OPHN1: variants seen among roughly 807,000 people sequenced by gnomAD.
OPHN1 encodes the protein oligophrenin 1.
Under a neutral mutation model 60.7 loss-of-function variants are expected in OPHN1, and 11 were observed. The observed-to-expected ratio is 0.18, with a 90% CI of 0.11 to 0.30. OPHN1 has a LOEUF of 0.30. Among genes scored for constraint, OPHN1 ranks in the 10% least tolerant of loss-of-function variants. The pLI, the probability that OPHN1 is intolerant of heterozygous loss-of-function variation, is 1.00. For missense variants in OPHN1, 449 were observed against 611.0 expected, an observed-to-expected ratio of 0.73 and a Z score of 2.80; for synonymous variants, 226 against 222.6, an observed-to-expected ratio of 1.02 and a Z score of -0.14.
chrX:68,057,260 A>C (rs1394972924), intron 21 of OPHN1, among the ~76,000 whole-genome samples: 1 of 111,847 alleles, frequency 8.9e-6, no homozygotes. Flanking sequence ...TTTATTGATT[A>C]GGATGGATCC....
intron 18 of OPHN1, among the ~76,000 whole-genome samples, chrX:68,102,939 C>T (rs928235665): frequency 9.0e-6 from 1 of 111,689 alleles, no homozygotes; most frequent in Non-Finnish European, 1.9e-5. Context: ...CCAAGTTCTA[C>T]CAGAGGTACA....
At chrX:68,420,716 A>G (rs1315303283) in intron 2 of OPHN1, among the ~76,000 whole-genome samples, 4 of 110,858 alleles carry the variant, frequency 3.6e-5, no homozygotes, top group Non-Finnish European at 7.5e-5. Flanking sequence ...ACCTTCCCCT[A>G]CTTCATTCCT....
At position 68,105,470 on chromosome X, in the gene OPHN1, C is replaced by T. The variant is rs200727464; in HGVS notation, c.1526+6384G>A. On this transcript the variant is annotated intron_variant, in intron 18 of 24. Coordinates refer to ENST00000355520, the MANE Select transcript of OPHN1 (RefSeq NM_002547.3). ...GGCACATATACACCATGGAATACTA[C>T]GCAGCCATAAAAAAGGATGAGATCA... 1.5e-4 allele frequency among the ~76,000 whole-genome samples: 17 copies of T among 110,512 alleles called. No homozygotes were observed. The East Asian group carries it at 3.4e-3, about 22-fold the overall frequency.
rs35324033 is a variant in OPHN1 at position 68,327,797 on chromosome X, T to TA, written c.155-28702dup. Among the ~76,000 whole-genome samples, 352 of 67,371 alleles carry TA rather than the reference T, an allele frequency of 5.2e-3. 4 individuals are homozygous for TA. The highest frequency in any genetic ancestry group is 7.6e-3 in the Non-Finnish European group (274 of 36,262). 58.5% of individuals were successfully genotyped at this position (67,371 alleles called of 115,157 possible). On this transcript the variant is annotated intron_variant, in intron 2 of 24. Coordinates refer to ENST00000355520, the MANE Select transcript of OPHN1 (RefSeq NM_002547.3). Reference sequence around the variant, plus strand: ...CAATAAAAATAAAAAATAAAAAAAATAAAAAAAAAAAAAAAAAAAATTTTA... The same window carrying TA: ...CAATAAAAATAAAAAATAAAAAAAATAAAAAAAAAAAAAAAAAAAAATTTTA...
intron 5 of OPHN1, among the ~76,000 whole-genome samples, chrX:68,240,209 C>G (rs1020638173): frequency 8.9e-6 from 1 of 112,289 alleles, no homozygotes; most frequent in Non-Finnish European, 1.9e-5. Flanking sequence ...GTAAGATGAA[C>G]ATATTTAAAG....
chrX:68,129,475 GA>G (rs1335863685), intron 15 of OPHN1, among the ~76,000 whole-genome samples: 1 of 111,968 alleles, frequency 8.9e-6, no homozygotes. Context: ...ATTCTAGGAT[GA>G]AAGTGGTTTG....
chrX:68,156,523 T>A (rs2074181872), intron 15 of OPHN1, among the ~76,000 whole-genome samples: 1 of 110,871 alleles, frequency 9.0e-6, no homozygotes, highest in Non-Finnish European at 1.9e-5. Context: ...GCCCAAACCC[T>A]TCAGCAGTGA....
intron 4 of OPHN1, among the ~76,000 whole-genome samples, chrX:68,277,837 A>C (rs2077999869): frequency 8.9e-6 from 1 of 112,127 alleles, no homozygotes; most frequent in Non-Finnish European, 1.9e-5. Flanking sequence ...AGAAGTGGCC[A>C]ACTGTGAAAC....
intron 10 of OPHN1, among the ~76,000 whole-genome samples, chrX:68,205,449 AAAT>A (rs758442874): frequency 2.7e-5 from 3 of 109,110 alleles, no homozygotes; most frequent in East Asian, 2.8e-4. Context: ...GCTCCATCGC[AAAT>A]AATAATAATA....
At chrX:68,412,087 G>C (rs2078772196) in intron 2 of OPHN1, among the ~76,000 whole-genome samples, 1 of 111,210 alleles carries the variant, frequency 9.0e-6, no homozygotes, top group Non-Finnish European at 1.9e-5. Context: ...AGAGAGAATA[G>C]ATGGTGAATG....
chrX:68,052,633 T>C (rs1803557929), intron 22 of OPHN1, 43 bp from the exon 23 acceptor site: 2 of 1,129,416 alleles, frequency 1.8e-6, no homozygotes, highest in South Asian at 1.9e-5. Flanking sequence ...TGCTTTGGTA[T>C]ACACGTGAGA....
intron 18 of OPHN1, among the ~76,000 whole-genome samples, chrX:68,099,348 T>A (rs147882689): frequency 0.019 from 2,134 of 111,509 alleles, 24 homozygotes; most frequent in Non-Finnish European, 0.029. Context: ...GTGAGAAGCC[T>A]CCAGTACAGA....
intron 19 of OPHN1, among the ~76,000 whole-genome samples, chrX:68,089,545 A>G (rs1363283894): frequency 8.9e-6 from 1 of 111,951 alleles, no homozygotes; most frequent in Non-Finnish European, 1.9e-5. Flanking sequence ...TGTCTGACAC[A>G]TAGCAAGCTG....
intron 18 of OPHN1, among the ~76,000 whole-genome samples, chrX:68,110,739 C>A (rs1041392869): frequency 8.9e-6 from 1 of 112,403 alleles, no homozygotes; most frequent in Admixed American, 9.4e-5. Flanking sequence ...GCTCAAATTG[C>A]AAACACTGGC....
At chrX:68,195,619 G>C (rs1488315463) in intron 12 of OPHN1, among the ~76,000 whole-genome samples, 2 of 112,116 alleles carry the variant, frequency 1.8e-5, no homozygotes, top group Non-Finnish European at 3.8e-5. Flanking sequence ...TAGTGAACTG[G>C]AGTGTTTAGT....
rs1205318096 is a variant in OPHN1, at chrX:68,153,422, CT to C, written c.1277-34091del. On this transcript the variant is annotated intron_variant, in intron 15 of 24. Transcript: ENST00000355520. ...GTAGAGCTGAAAATAGGAGAAATGA[CT>C]GAAATTCTGTAGAAGAAGCAGTTAG... is the stretch of plus-strand genomic sequence containing the variant. 9.0e-5 allele frequency among the ~76,000 whole-genome samples: 10 copies of C among 110,812 alleles called. No individual in the cohort carries two copies. The Admixed American group carries it at 9.6e-4, about 11-fold the overall frequency.
At chrX:68,296,667 A>G (rs980034988) in intron 3 of OPHN1, among the ~76,000 whole-genome samples, 22 of 106,535 alleles carry the variant, frequency 2.1e-4, no homozygotes, top group African/African-American at 6.9e-4. Context: ...AAAAAAAAAA[A>G]AAGAAGCAAA....
At chrX:68,098,111 C>G (rs1384816871) in intron 18 of OPHN1, among the ~76,000 whole-genome samples, 1 of 110,600 alleles carries the variant, frequency 9.0e-6, no homozygotes, top group Admixed American at 9.7e-5. Flanking sequence ...AATATCCCCC[C>G]TCTCCCTACA....
intron 15 of OPHN1, among the ~76,000 whole-genome samples, chrX:68,172,124 C>A (rs1221153607): frequency 9.0e-6 from 1 of 111,555 alleles, no homozygotes; most frequent in Admixed American, 9.6e-5. Flanking sequence ...CAGGTACATA[C>A]CCAAGAGAAG....
Sources: allele counts gnomAD v4.1 joint callset (sites outside exome capture counted in the v4.1 genomes callset), GRCh38; gene constraint gnomAD v4.1.1; transcripts MANE v1.5; gene names NCBI Gene and HGNC (gene_info 2026-07-23, HGNC 2026-07-21).